The following HDAC9 variants were observed in gnomAD, a reference collection of about 807,000 sequenced individuals.
HDAC9 encodes MEF-2 interacting transcription repressor (MITR) protein.
In HDAC9, 41 loss-of-function variants were observed where a neutral mutation model predicts 139.4. That is an observed-to-expected ratio of 0.29 (90% confidence interval 0.23 to 0.38). HDAC9 has a LOEUF of 0.38. Among genes scored for constraint, HDAC9 ranks in the 10% least tolerant of loss-of-function variants. HDAC9 has a pLI of 1.00. For missense variants in HDAC9, 1,147 were observed against 1,297.0 expected (o/e 0.88, Z 1.78); for synonymous variants, 517 against 476.2 (o/e 1.09, Z -1.12).
intron 1 of HDAC9, among the ~76,000 whole-genome samples, chr7:18,123,264 T>C (rs1784465671): frequency 6.6e-6 from 1 of 152,190 alleles, no homozygotes; most frequent in Non-Finnish European, 1.5e-5. Flanking sequence ...TTTATCAGTT[T>C]AAAAGCCAGA....
chr7:18,328,591 T>TGTTC (rs773033953), intron 1 of HDAC9, among the ~76,000 whole-genome samples: 1 of 151,922 alleles, frequency 6.6e-6, no homozygotes, highest in Non-Finnish European at 1.5e-5. Context: ...GTGAATATGG[T>TGTTC]GTTCACATTT....
At chr7:18,779,056 C>T (rs904653858) in intron 16 of HDAC9, among the ~76,000 whole-genome samples, 1 of 152,166 alleles carries the variant, frequency 6.6e-6, no homozygotes, top group South Asian at 2.1e-4. Context: ...TACTTGGAAT[C>T]TGAACGTCTT....
At chr7:18,099,155 G>A (rs1212215457) in intron 1 of HDAC9, among the ~76,000 whole-genome samples, 1 of 152,078 alleles carries the variant, frequency 6.6e-6, no homozygotes, top group East Asian at 1.9e-4. Flanking sequence ...TGAAACAGTA[G>A]TTTGCTTTTA....
intron 2 of HDAC9, among the ~76,000 whole-genome samples, chr7:18,231,762 G>T (rs1004012692): frequency 6.6e-6 from 1 of 152,128 alleles, no homozygotes; most frequent in African/African-American, 2.4e-5. Context: ...GTTGGCTTTG[G>T]TTTACATGCC....
rs1190773448 is a variant in HDAC9 at position 18,760,565 on chromosome 7, A to G, written c.2044-1592A>G. Reference sequence around the variant, plus strand: ...CTCTAAATCATACTTTTATTTTTATAGTAATTTGAATTGGGTTAGACAATG... The same window carrying G: ...CTCTAAATCATACTTTTATTTTTATGGTAATTTGAATTGGGTTAGACAATG... On this transcript the variant is annotated intron_variant, in intron 14 of 25. Coordinates refer to ENST00000686413, the MANE Select transcript of HDAC9 (RefSeq NM_178425.4). Among the ~76,000 whole-genome samples, 2 of 152,230 alleles carry G rather than the reference A, an allele frequency of 1.3e-5. 1 individual carries two copies. The highest frequency in any genetic ancestry group is 3.8e-4 in the East Asian group (2 of 5,198).
At chr7:18,955,206 C>G (rs534847643) in intron 24 of HDAC9, among the ~76,000 whole-genome samples, 1 of 152,032 alleles carries the variant, frequency 6.6e-6, no homozygotes. Flanking sequence ...TGATATAAGC[C>G]TAAAGTACAG....
chr7:18,446,372 G>GC (rs58895730), intron 1 of HDAC9, among the ~76,000 whole-genome samples: 1,864 of 152,308 alleles, frequency 0.012, 35 homozygotes, highest in African/African-American at 0.042. Flanking sequence ...TGCCTAGTCG[G>GC]GGGGTGGGTT....
chr7:18,593,394 C>G (rs937164193), intron 5 of HDAC9, among the ~76,000 whole-genome samples: 5 of 152,124 alleles, frequency 3.3e-5, no homozygotes, highest in Admixed American at 1.3e-4. Flanking sequence ...CCATTCTTTA[C>G]TACTGAAACT....
intron 25 of HDAC9, among the ~76,000 whole-genome samples, chr7:18,981,386 A>G (rs1043179577): frequency 1.3e-5 from 2 of 152,222 alleles, no homozygotes; most frequent in Non-Finnish European, 2.9e-5. Flanking sequence ...AAACGTTCAC[A>G]TACCTTTTTA....
intron 17 of HDAC9, among the ~76,000 whole-genome samples, chr7:18,811,485 C>A (rs770961311): frequency 1.3e-5 from 2 of 151,550 alleles, no homozygotes; most frequent in South Asian, 4.1e-4. Context: ...TTTTTTGACA[C>A]GTGAGTTATT....
intron 2 of HDAC9, among the ~76,000 whole-genome samples, chr7:18,507,902 A>G (rs1178520790): frequency 6.6e-6 from 1 of 152,250 alleles, no homozygotes; most frequent in Non-Finnish European, 1.5e-5. Context: ...GAGAGTGGAA[A>G]TGGAAGCAAC....
chr7:18,435,242 T>C (rs1487516453), intron 1 of HDAC9, among the ~76,000 whole-genome samples: 2 of 151,832 alleles, frequency 1.3e-5, no homozygotes, highest in African/African-American at 2.4e-5. Flanking sequence ...CAATAGACAG[T>C]GGGGCCTACG....
intron 22 of HDAC9, among the ~76,000 whole-genome samples, chr7:18,923,153 G>A (rs971766439): frequency 2.0e-5 from 3 of 152,078 alleles, no homozygotes; most frequent in African/African-American, 7.2e-5. Flanking sequence ...ATTGGGATAA[G>A]TGAAATGCTG....
At position 18,387,505 on chromosome 7, in the gene HDAC9, C is replaced by T. The variant is rs193275443; in HGVS notation, c.-42+96990C>T. On this transcript the variant is annotated intron_variant, in intron 1 of 3. Coordinates refer to the HDAC9 transcript ENST00000413509. ...AAACAGTTGTCGTGTGGGCTTTTCC[C>T]GAAATGCCATGTCACTCCAAAAGTG... is the stretch of plus-strand genomic sequence containing the variant. Among the ~76,000 whole-genome samples the T allele has an allele frequency of 7.9e-5, 12 of 152,218 alleles. 1 individual carries two copies. In the South Asian group the frequency reaches 2.1e-3, roughly 26 times the overall value.
At chr7:18,508,731 G>A (rs990458251) in intron 2 of HDAC9, among the ~76,000 whole-genome samples, 1 of 152,102 alleles carries the variant, frequency 6.6e-6, no homozygotes, top group Non-Finnish European at 1.5e-5. Flanking sequence ...GAGTATCTTC[G>A]CCAGCTGAAG....
chr7:18,440,209 A>C (rs919263997), intron 1 of HDAC9, among the ~76,000 whole-genome samples: 1 of 112,116 alleles, frequency 8.9e-6, no homozygotes, highest in East Asian at 2.4e-4. Flanking sequence ...TTTTTGGCGG[A>C]GTTTCACTCT....
chr7:18,778,294 A>G (rs1329760700), intron 16 of HDAC9, among the ~76,000 whole-genome samples: 1 of 147,910 alleles, frequency 6.8e-6, no homozygotes, highest in Non-Finnish European at 1.5e-5. Flanking sequence ...AATTCTGGGT[A>G]AAAAAAAAAA....
At chr7:18,613,112 A>G (rs554824286) in intron 6 of HDAC9, among the ~76,000 whole-genome samples, 5 of 148,122 alleles carry the variant, frequency 3.4e-5, no homozygotes, top group East Asian at 1.9e-4. Flanking sequence ...ATAAATATAT[A>G]TAAGTATAAT....
chr7:18,775,421 G>A (rs542990056), intron 16 of HDAC9, among the ~76,000 whole-genome samples: 2 of 152,086 alleles, frequency 1.3e-5, no homozygotes, highest in Non-Finnish European at 2.9e-5. Context: ...TGCCTGTATC[G>A]AGTATCTTCC....
Sources: allele counts gnomAD v4.1 joint callset (sites outside exome capture counted in the v4.1 genomes callset), GRCh38; gene constraint gnomAD v4.1.1; transcripts MANE v1.5; gene names NCBI Gene and HGNC (gene_info 2026-07-23, HGNC 2026-07-21).